The following PKD1L1 variants were observed in gnomAD, a reference collection of about 807,000 sequenced individuals.
The protein encoded by PKD1L1 is polycystin-1-like protein 1.
PKD1L1 carries 236 observed loss-of-function variants against 323.4 expected under a neutral mutation model. The observed-to-expected ratio is 0.73, with a 90% CI of 0.66 to 0.81. The LOEUF (loss-of-function observed/expected upper bound fraction) is 0.81. PKD1L1 is among the 40% of genes least tolerant of loss of function. The pLI, the probability that PKD1L1 is intolerant of heterozygous loss-of-function variation, is 0.00. For synonymous variants in PKD1L1, 1,344 were observed against 1,335.0 expected (o/e 1.01, Z -0.15); for missense variants, 3,320 against 3,508.0 (o/e 0.95, Z 1.35).
chr7:47,795,187 C>T (rs1784492336), intron 55 of PKD1L1: 1 of 333,068 alleles, frequency 3.0e-6, no homozygotes, highest in Non-Finnish European at 5.9e-6. Flanking sequence ...GGCTGTGTCC[C>T]TATTCAAATC....
chr7:47,829,830 G>A (rs1246380444), intron 43 of PKD1L1, among the ~76,000 whole-genome samples: 3 of 152,202 alleles, frequency 2.0e-5, no homozygotes, highest in Non-Finnish European at 4.4e-5. Context: ...GTGGGTTAAA[G>A]TGGTACCCTC....
Position 47,833,272 on chromosome 7 carries a change from C to A in PKD1L1, c.6175-20G>T. The A allele has an allele frequency of 2.5e-6, 4 of 1,607,998 alleles. No individual in the cohort carries two copies. The highest frequency in any genetic ancestry group is 2.2e-5 in the South Asian group (2 of 90,014). Reference sequence around the variant, plus strand: ...AGGTTGCTAGAATGACAAGGTCATGCCAAGGTTAATATCTCCACAGACAGG... The same window carrying A: ...AGGTTGCTAGAATGACAAGGTCATGACAAGGTTAATATCTCCACAGACAGG... On this transcript the variant is annotated intron_variant, in intron 40 of 56. Coordinates refer to ENST00000289672, the MANE Select transcript of PKD1L1 (RefSeq NM_138295.5).
intron 1 of PKD1L1, among the ~76,000 whole-genome samples, chr7:47,947,309 C>A (rs1245877431): frequency 6.6e-6 from 1 of 152,202 alleles, no homozygotes; most frequent in Admixed American, 6.5e-5. Context: ...ATCAAGGATA[C>A]TGATTTTTAT....
In PKD1L1 at chr7:47,837,077, G is replaced by A; in HGVS notation, c.5787C>T (p.Phe1929=). ...LGFRKLFYCK[F]TEYLEDFHVW... Reference sequence around the variant, plus strand: ...CATGGAAATCCTCCAGGTACTCTGTGAACTTGCAATAGAAAAGCTGAAACG... The same window carrying A: ...CATGGAAATCCTCCAGGTACTCTGTAAACTTGCAATAGAAAAGCTGAAACG... Residue 1929 remains phenylalanine (F), a synonymous_variant, in exon 37 of 57, where the codon TTC becomes TTT. Transcript: ENST00000289672. 2.5e-6 allele frequency: 4 copies of A among 1,614,094 alleles called. No individual in the cohort carries two copies. The highest frequency in any genetic ancestry group is 2.2e-5 in the South Asian group (2 of 91,052).
intron 24 of PKD1L1, 30 bp downstream of exon 24, chr7:47,873,869 A>G: frequency 6.6e-7 from 1 of 1,524,800 alleles, no homozygotes; most frequent in Non-Finnish European, 9.0e-7. Flanking sequence ...AATAATGGCT[A>G]GGATGTCTGT....
intron 12 of PKD1L1, 105 bp from the exon 13 acceptor site, chr7:47,902,616 C>A: frequency 1.5e-6 from 2 of 1,334,404 alleles, no homozygotes; most frequent in Non-Finnish European, 1.0e-6. Flanking sequence ...TAGTATTTGA[C>A]AGCAAGTCAT....
At chr7:47,959,763 G>C in the PKD1L1 span, among the ~76,000 whole-genome samples, 3 of 142,040 alleles carry the variant, frequency 2.1e-5, 1 homozygote, top group South Asian at 6.8e-4. Context: ...TCAGCCCCCC[G>C]CCCGGCCAGC....
the PKD1L1 span, among the ~76,000 whole-genome samples, chr7:47,959,399 T>A: frequency 8.5e-6 from 1 of 117,330 alleles, no homozygotes; most frequent in Non-Finnish European, 1.8e-5. Context: ...CCGGCCGCCA[T>A]CCCATCTAGG....
At chr7:47,861,428 C>T (rs1007119798) in intron 26 of PKD1L1, among the ~76,000 whole-genome samples, 1 of 152,084 alleles carries the variant, frequency 6.6e-6, no homozygotes, top group African/African-American at 2.4e-5. Flanking sequence ...AATATTTTTC[C>T]AGGGGAAGAA....
At chr7:47,857,952 G>A (rs1785942579) in intron 27 of PKD1L1, 120 bp from the exon 28 acceptor site, 2 of 940,608 alleles carry the variant, frequency 2.1e-6, no homozygotes, top group South Asian at 3.3e-5. Flanking sequence ...AGATTGGATG[G>A]CAGGAAGCAA....
chr7:47,873,490 T>C (rs1583637273), intron 24 of PKD1L1, among the ~76,000 whole-genome samples: 2 of 151,546 alleles, frequency 1.3e-5, no homozygotes, highest in African/African-American at 4.8e-5. Context: ...CTACTAAAAA[T>C]ACAAAAATTA....
intron 56 of PKD1L1, among the ~76,000 whole-genome samples, chr7:47,779,308 T>C (rs1297342639): frequency 1.3e-5 from 2 of 152,228 alleles, no homozygotes; most frequent in African/African-American, 4.8e-5. Context: ...TTGCAGCCAC[T>C]GGCAGACTCA....
At chr7:47,861,362 C>A (rs1329626756) in intron 26 of PKD1L1, among the ~76,000 whole-genome samples, 1 of 152,194 alleles carries the variant, frequency 6.6e-6, no homozygotes, top group Non-Finnish European at 1.5e-5. Flanking sequence ...GCCTTCAGAC[C>A]TTTGTGAAGA....
At chr7:47,809,052 C>T (rs996973327) in intron 51 of PKD1L1, 1 of 155,518 alleles carries the variant, frequency 6.4e-6, no homozygotes, top group Non-Finnish European at 1.4e-5. Flanking sequence ...TACAGCTGTA[C>T]AAAAAATATT....
chr7:47,858,962 C>A lies in PKD1L1; in HGVS notation c.4150-77G>T, dbSNP rs187706597. 6 of 1,550,058 alleles carry A rather than the reference C, an allele frequency of 3.9e-6. No homozygotes were observed. The East Asian group carries it at 1.4e-4, about 35-fold the overall frequency. On this transcript the variant is annotated intron_variant, in intron 26 of 56. Coordinates refer to ENST00000289672, the MANE Select transcript of PKD1L1 (RefSeq NM_138295.5). Reference sequence around the variant, plus strand: ...GCCCGGGTGTATTTGAGGATGAGAACCGCACTCATAAAGCTTAGCTGCATG... The same window carrying A: ...GCCCGGGTGTATTTGAGGATGAGAAACGCACTCATAAAGCTTAGCTGCATG...
intron 56 of PKD1L1, among the ~76,000 whole-genome samples, chr7:47,783,621 T>G (rs1470195652): frequency 6.6e-6 from 1 of 152,004 alleles, no homozygotes; most frequent in Non-Finnish European, 1.5e-5. Flanking sequence ...AAGAGAAAAT[T>G]TGGACACCCA....
chr7:47,833,072 G>A lies in PKD1L1; in HGVS notation c.6337+18C>T. On this transcript the variant is annotated intron_variant, in intron 41 of 56. Transcript: ENST00000289672. ...CTGGACTGGCAGGAAGGGGGCTGTG[G>A]TTGCAAGCCACAGTTACCTTGAGTG... The A allele has an allele frequency of 6.2e-7, 1 of 1,601,686 alleles. No homozygotes were observed. Among genetic ancestry groups the A allele is most frequent in the South Asian group, 1.1e-5 (1 of 88,714 alleles).
the PKD1L1 span, among the ~76,000 whole-genome samples, chr7:47,959,503 A>G: frequency 7.1e-4 from 72 of 101,060 alleles, no homozygotes; most frequent in African/African-American, 1.1e-3. Context: ...GAGCGCCTCT[A>G]CCCGGCCGCG....
chr7:47,867,712 A>T (rs1216292851), intron 24 of PKD1L1, among the ~76,000 whole-genome samples: 3 of 152,196 alleles, frequency 2.0e-5, no homozygotes, highest in African/African-American at 7.2e-5. Context: ...AATCAAAGGA[A>T]GTTAGAACAA....
Sources: allele counts gnomAD v4.1 joint callset (sites outside exome capture counted in the v4.1 genomes callset), GRCh38; gene constraint gnomAD v4.1.1; transcripts MANE v1.5; gene names NCBI Gene and HGNC (gene_info 2026-07-23, HGNC 2026-07-21).